DIAPH1: variants seen among roughly 807,000 people sequenced by gnomAD.
DIAPH1 encodes protein diaphanous homolog 1.
In DIAPH1, 46 loss-of-function variants were observed where a neutral mutation model predicts 140.7. That is an observed-to-expected ratio of 0.33 (90% CI 0.26 to 0.42). The LOEUF (loss-of-function observed/expected upper bound fraction) is 0.42, where lower values mean the gene tolerates loss of function less well. DIAPH1 is among the 10% of genes least tolerant of loss of function. The pLI is 1.00. For missense variants in DIAPH1, 1,310 were observed against 1,558.7 expected (o/e 0.84, Z 2.69); for synonymous variants, 565 against 551.6 (o/e 1.02, Z -0.34).
At chr5:141,571,458 A>C in intron 17 of DIAPH1, 22 bp from the exon 18 acceptor site, 1 of 1,607,396 alleles carries the variant, frequency 6.2e-7, no homozygotes, top group East Asian at 2.2e-5. Context: ...AAGTGCCAGG[A>C]GGGAGAAGGC....
At chr5:141,518,048 G>A (rs2099885958) in intron 27 of DIAPH1, among the ~76,000 whole-genome samples, 1 of 152,194 alleles carries the variant, frequency 6.6e-6, no homozygotes, top group South Asian at 2.1e-4. Context: ...TGACACGAAA[G>A]GCCATATGTT....
At chr5:141,584,016 A>C in intron 4 of DIAPH1, 108 bp downstream of exon 4, 2 of 718,506 alleles carry the variant, frequency 2.8e-6, no homozygotes, top group South Asian at 1.6e-5. Context: ...AATGGAATGA[A>C]ACAGAATTGA....
intron 1 of DIAPH1, among the ~76,000 whole-genome samples, chr5:141,608,862 A>G (rs2099901360): frequency 6.6e-6 from 1 of 152,188 alleles, no homozygotes; most frequent in African/African-American, 2.4e-5. Flanking sequence ...CAAATTTAAA[A>G]TATAAAAAGG....
At chr5:141,582,272 G>T in intron 7 of DIAPH1, 40 bp downstream of exon 7, 1 of 1,501,722 alleles carries the variant, frequency 6.7e-7, no homozygotes, top group Non-Finnish European at 9.3e-7. Flanking sequence ...AAGAACAGGC[G>T]TCCAGATGGG....
chr5:141,617,260 G>C (rs1230414631), intron 1 of DIAPH1, among the ~76,000 whole-genome samples: 1 of 150,052 alleles, frequency 6.7e-6, no homozygotes, highest in East Asian at 2.0e-4. Context: ...AGTCACCAAA[G>C]AAGGAGGGGG....
At chr5:141,597,965 T>C (rs1291646612) in intron 1 of DIAPH1, among the ~76,000 whole-genome samples, 1 of 152,232 alleles carries the variant, frequency 6.6e-6, no homozygotes, top group African/African-American at 2.4e-5. Flanking sequence ...TCCTGTTGAA[T>C]GTCTAGTACT....
intron 1 of DIAPH1, among the ~76,000 whole-genome samples, chr5:141,592,136 T>C (rs575578251): frequency 1.3e-5 from 2 of 150,020 alleles, no homozygotes; most frequent in South Asian, 2.1e-4. Context: ...CATGTTTTAG[T>C]GTTCAATTTG....
intron 27 of DIAPH1, among the ~76,000 whole-genome samples, chr5:141,523,403 A>C (rs2099886843): frequency 6.6e-6 from 1 of 152,220 alleles, no homozygotes; most frequent in African/African-American, 2.4e-5. Context: ...TCTCTTGGCC[A>C]CTGTAAGCTT....
Position 141,528,792 on chromosome 5 carries a change from G to C in DIAPH1, c.2928C>G (p.Leu976=), listed in dbSNP as rs761525262. 6.2e-6 allele frequency: 10 copies of C among 1,614,094 alleles called. No individual in the cohort carries two copies. The highest frequency in any genetic ancestry group is 7.6e-6 in the Non-Finnish European group (9 of 1,180,042). The change falls in exon 22 of 28, where the codon CTC becomes CTG. Residue 976 remains leucine (L), a synonymous_variant. Transcript: ENST00000389054. ...TTCCAACAAGCAAGGTAATCTCTAGGAGATTGGAAAAGCTCTCACTCTTAC... is the reference window on the plus strand; with the variant it reads ...TTCCAACAAGCAAGGTAATCTCTAGCAGATTGGAAAAGCTCTCACTCTTAC... ...ELRKSESFSN[L]LEITLLVGNY... is the part of the protein sequence containing the mutation.
intron 18 of DIAPH1, among the ~76,000 whole-genome samples, chr5:141,558,907 A>C (rs2099893081): frequency 1.2e-5 from 1 of 86,740 alleles, no homozygotes; most frequent in Non-Finnish European, 2.2e-5. Context: ...CACAAAAATC[A>C]CAAGTTGTTA....
chr5:141,584,057 A>T, intron 4 of DIAPH1, 67 bp downstream of exon 4: 1 of 855,620 alleles, frequency 1.2e-6, no homozygotes, highest in Non-Finnish European at 1.8e-6. Flanking sequence ...TAAAATTGGC[A>T]AAAAAAAAAC....
intron 27 of DIAPH1, among the ~76,000 whole-genome samples, chr5:141,522,578 CAAAAAAAAAA>C (rs5871776): frequency 1.1e-5 from 1 of 88,956 alleles, no homozygotes; most frequent in Non-Finnish European, 2.3e-5. Flanking sequence ...CCGACGGGGT[CAAAAAAAAAA>C]AAAAAAAAAA....
At chr5:141,548,495 A>G (rs930525213) in intron 18 of DIAPH1, among the ~76,000 whole-genome samples, 1 of 152,244 alleles carries the variant, frequency 6.6e-6, no homozygotes, top group African/African-American at 2.4e-5. Flanking sequence ...TACTGGTATT[A>G]CAAAGTAACA....
intron 1 of DIAPH1, among the ~76,000 whole-genome samples, chr5:141,597,799 T>C (rs1452430973): frequency 6.6e-6 from 1 of 152,192 alleles, no homozygotes; most frequent in East Asian, 1.9e-4. Context: ...TTAACAGTTT[T>C]TTTCTTTCCT....
At chr5:141,603,529 A>G (rs1040722805) in intron 1 of DIAPH1, among the ~76,000 whole-genome samples, 4 of 152,170 alleles carry the variant, frequency 2.6e-5, no homozygotes, top group Non-Finnish European at 4.4e-5. Flanking sequence ...CCCGGGAACA[A>G]TGAAAGATTC....
intron 18 of DIAPH1, among the ~76,000 whole-genome samples, chr5:141,549,896 G>A (rs1034146797): frequency 6.6e-6 from 1 of 152,094 alleles, no homozygotes; most frequent in African/African-American, 2.4e-5. Flanking sequence ...TACATTAAAT[G>A]TAAACAGACT....
intron 2 of DIAPH1, among the ~76,000 whole-genome samples, chr5:141,587,933 A>C (rs1392812419): frequency 6.6e-6 from 1 of 152,262 alleles, no homozygotes; most frequent in African/African-American, 2.4e-5. Flanking sequence ...GTTTGAAAAT[A>C]ACAGTAATTA....
intron 18 of DIAPH1, 79 bp downstream of exon 18, chr5:141,571,349 G>T: frequency 1.6e-6 from 2 of 1,251,652 alleles, no homozygotes; most frequent in South Asian, 1.3e-5. Context: ...GTTTTCTAAT[G>T]AGAAATTCCT....
At chr5:141,613,913 T>C (rs1244365402) in intron 1 of DIAPH1, among the ~76,000 whole-genome samples, 1 of 152,160 alleles carries the variant, frequency 6.6e-6, no homozygotes, top group Non-Finnish European at 1.5e-5. Context: ...TGGCTATTCA[T>C]AGCGCTCAAA....
Sources: allele counts gnomAD v4.1 joint callset (sites outside exome capture counted in the v4.1 genomes callset), GRCh38; gene constraint gnomAD v4.1.1; transcripts MANE v1.5; gene names NCBI Gene and HGNC (gene_info 2026-07-23, HGNC 2026-07-21).